GBP6: variants seen among roughly 807,000 people sequenced by gnomAD.
GBP6 encodes the protein guanylate binding protein family member 6.
GBP6 carries 54 observed loss-of-function variants against 61.5 expected under a neutral mutation model. The observed-to-expected ratio is 0.88, with a 90% CI of 0.71 to 1.10. GBP6 has a LOEUF of 1.10. GBP6 is among the 50% of genes least tolerant of loss of function. The pLI is 0.00. For missense variants in GBP6, 748 were observed against 752.8 expected (o/e 0.99, Z 0.07); for synonymous variants, 255 against 273.7 (o/e 0.93, Z 0.67).
At chr1:89,383,820 C>G in intron 9 of GBP6, 66 bp downstream of exon 9, 1 of 1,216,416 alleles carries the variant, frequency 8.2e-7, no homozygotes, top group Non-Finnish European at 1.2e-6. Flanking sequence ...ACAGATCTAA[C>G]AGGAAAACCT....
intron 7 of GBP6, 50 bp from the exon 8 acceptor site, chr1:89,382,614 C>T: frequency 6.8e-7 from 1 of 1,466,518 alleles, no homozygotes; most frequent in Non-Finnish European, 9.5e-7. Context: ...TTTAGAATTT[C>T]ATCTCCTCCA....
Position 89,378,205 on chromosome 1 carries a change from C to A in GBP6, c.421C>A (p.Gln141Lys). ...MSTINHQALE[Q>K]LHYVTELTEL... The stretch of plus-strand genomic sequence containing the variant: ...CACCATCAACCACCAGGCCCTGGAG[C>A]AGCTGCAGTATCCTTCCAGGAACAG... Residue 141 changes from glutamine to lysine, a missense_variant, in exon 4 of 11, where the codon CAG becomes AAG. Transcript: ENST00000370456. 1 of 1,609,892 alleles carries A rather than the reference C, an allele frequency of 6.2e-7. No homozygotes were observed. Among genetic ancestry groups the A allele is most frequent in the East Asian group, 2.2e-5 (1 of 44,872 alleles).
chr1:89,368,037 T>G (rs115265133), intron 1 of GBP6, among the ~76,000 whole-genome samples: 1 of 152,206 alleles, frequency 6.6e-6, no homozygotes, highest in Non-Finnish European at 1.5e-5. Context: ...GCCATTTTTT[T>G]AAAGTTGTTT....
chr1:89,377,966 T>C, intron 3 of GBP6, 137 bp from the exon 4 acceptor site: 2 of 745,810 alleles, frequency 2.7e-6, no homozygotes, highest in South Asian at 3.6e-5. Context: ...AACAAACTGT[T>C]GTTTACATTC....
chr1:89,382,618 T>G, intron 7 of GBP6, 46 bp from the exon 8 acceptor site: 1 of 1,483,362 alleles, frequency 6.7e-7, no homozygotes, highest in Non-Finnish European at 9.4e-7. Flanking sequence ...GAATTTCATC[T>G]CCTCCATGTT....
intron 3 of GBP6, among the ~76,000 whole-genome samples, chr1:89,375,785 T>C: frequency 6.6e-6 from 1 of 152,206 alleles, no homozygotes; most frequent in East Asian, 1.9e-4. Flanking sequence ...TAATTTTGCT[T>C]TTGTCACCTG....
At chr1:89,374,586 T>C (rs967566129) in intron 3 of GBP6, among the ~76,000 whole-genome samples, 1 of 152,184 alleles carries the variant, frequency 6.6e-6, no homozygotes, top group African/African-American at 2.4e-5. Flanking sequence ...TTGCCGACAA[T>C]TGTTATTTTT....
chr1:89,386,989 A>G lies in GBP6; in HGVS notation c.*1520A>G, dbSNP rs1371584406. On this transcript the variant is annotated 3_prime_UTR_variant, in exon 11 of 11. Coordinates refer to ENST00000370456, the MANE Select transcript of GBP6 (RefSeq NM_198460.3). ...TACAATGGACCAGCCATAGGGTTAA[A>G]TGGGATGGGGAGAAAACAATCAAGT... 6.6e-6 allele frequency among the ~76,000 whole-genome samples: 1 copy of G among 152,214 alleles called. No individual in the cohort carries two copies. The highest frequency in any genetic ancestry group is 1.5e-5 in the Non-Finnish European group (1 of 68,026).
At chr1:89,378,637 TG>T in intron 5 of GBP6, 24 bp downstream of exon 5, 1 of 1,582,584 alleles carries the variant, frequency 6.3e-7, no homozygotes, top group Non-Finnish European at 8.6e-7. Flanking sequence ...GCCTGGGCTG[TG>T]GGTGGTCCAC....
chr1:89,380,287 G>A (rs901730327), intron 5 of GBP6, 99 bp from the exon 6 acceptor site: 2 of 1,013,100 alleles, frequency 2.0e-6, no homozygotes, highest in African/African-American at 3.2e-5. Context: ...TGTAAGCATA[G>A]AAGATGGCAA....
chr1:89,386,721 CATTAAG>C lies in GBP6; in HGVS notation c.*1259_*1264del, dbSNP rs1042185616. ...GGTGTTAGAAGCATAAATTACCAAA[CATTAAG>C]ATTAAGCACTGATAGGAAGGATCCT... is the stretch of plus-strand genomic sequence containing the variant. On this transcript the variant is annotated 3_prime_UTR_variant, in exon 11 of 11. Transcript: ENST00000370456. 2.0e-5 allele frequency among the ~76,000 whole-genome samples: 3 copies of C among 152,276 alleles called. No individual in the cohort carries two copies. Among genetic ancestry groups the C allele is most frequent in the African/African-American group, 7.2e-5 (3 of 41,548 alleles).
rs1191062304 is a variant in GBP6, at chr1:89,381,855, C to T, written c.1033C>T (p.Pro345Ser). ...SQQMAQRVKL[P>S]TDTLQELLDM... is the part of the protein sequence containing the mutation. The stretch of plus-strand genomic sequence containing the variant: ...GCAGATGGCCCAGCGAGTGAAGCTC[C>T]CCACAGACACGCTCCAGGAGCTGCT... The change falls in exon 7 of 11, where the codon CCC becomes TCC. Residue 345 changes from proline to serine, a missense_variant. Coordinates refer to ENST00000370456, the MANE Select transcript of GBP6 (RefSeq NM_198460.3). The T allele has an allele frequency of 6.2e-7, 1 of 1,614,080 alleles. No individual in the cohort carries two copies. The highest frequency in any genetic ancestry group is 8.5e-7 in the Non-Finnish European group (1 of 1,179,996).
intron 1 of GBP6, among the ~76,000 whole-genome samples, chr1:89,366,261 T>C (rs936323442): frequency 1.3e-5 from 2 of 152,238 alleles, no homozygotes; most frequent in Admixed American, 1.3e-4. Context: ...TTGTTATTCT[T>C]ATTCTTTTTC....
In GBP6 at chr1:89,384,962, C is replaced by A. The variant is rs180898799; in HGVS notation, c.1663-268C>A. Among the ~76,000 whole-genome samples, 39 of 152,322 alleles carry A rather than the reference C, an allele frequency of 2.6e-4. 2 individuals carry two copies. The East Asian group carries it at 3.5e-3, about 14-fold the overall frequency. ...TTTATGCAATCAGACCAATGGCTAC[C>A]TCCTAACTGGCATCTTTTGGGCAGG... On this transcript the variant is annotated intron_variant, in intron 10 of 10. Transcript: ENST00000370456.
At position 89,384,053 on chromosome 1, in the gene GBP6, C is replaced by T. The variant is rs377163088; in HGVS notation, c.1469-40C>T. ...TCAGAAAAGTGGAGATGAATCTTCA[C>T]CTATTATTTTCTTCTCTTTCTAATA... On this transcript the variant is annotated intron_variant, in intron 9 of 10. Transcript: ENST00000370456. 539 of 1,528,818 alleles carry T rather than the reference C, an allele frequency of 3.5e-4. No individual in the cohort carries two copies. In the Middle Eastern group the frequency reaches 9.4e-3, roughly 27 times the overall value. The allele number at this position is 1,528,818 out of a possible 1,614,324, so 94.7% of individuals were successfully genotyped here.
Position 89,378,318 on chromosome 1 carries a change from C to T in GBP6, c.429-99C>T, listed in dbSNP as rs992679755. The T allele has an allele frequency of 7.9e-6, 12 of 1,518,618 alleles. No individual in the cohort carries two copies. The South Asian group carries it at 1.4e-4, about 18-fold the overall frequency. The allele number at this position is 1,518,618 out of a possible 1,614,324, so 94.1% of individuals were successfully genotyped here. Reference sequence around the variant, plus strand: ...TTTGATGTAATTACCTGTGGTGCAGCACAGGGAACCCAAGACAAAAGAGAG... The same window carrying T: ...TTTGATGTAATTACCTGTGGTGCAGTACAGGGAACCCAAGACAAAAGAGAG... On this transcript the variant is annotated intron_variant, in intron 4 of 10. Transcript: ENST00000370456.
Position 89,368,651 on chromosome 1 carries a change from ATT to A in GBP6, c.102_103del (p.Gln36AlafsTer38). On this transcript the variant is annotated frameshift_variant, in exon 2 of 11. Coordinates refer to ENST00000370456, the MANE Select transcript of GBP6 (RefSeq NM_198460.3). LOFTEE classifies it high-confidence loss of function. Reference protein sequence around the residue: ...NQQAIQILEKISQPVVVVAIV... With the variant: ...NQQAIQILEKXSQPVVVVAIV... ...GCAAGCTATACAGATTCTTGAAAAGATTTCTCAGCCAGTGGTGGTGGTGGCCA... is the reference window on the plus strand; with the variant it reads ...GCAAGCTATACAGATTCTTGAAAAGATCTCAGCCAGTGGTGGTGGTGGCCA... 1.9e-6 allele frequency: 3 copies of A among 1,614,182 alleles called. No individual in the cohort carries two copies. Among genetic ancestry groups the A allele is most frequent in the Non-Finnish European group, 2.5e-6 (3 of 1,180,006 alleles).
In GBP6 at chr1:89,378,579, T is replaced by C. The variant is rs113267760; in HGVS notation, c.591T>C (p.Asp197=). 6 of 1,613,722 alleles carry C rather than the reference T, an allele frequency of 3.7e-6. No homozygotes were observed. The highest frequency in any genetic ancestry group is 1.7e-5 in the Admixed American group (1 of 59,968). The change falls in exon 5 of 11, where the codon GAT becomes GAC. Residue 197 remains aspartate (D), a synonymous_variant. Coordinates refer to ENST00000370456, the MANE Select transcript of GBP6 (RefSeq NM_198460.3). The part of the protein sequence containing the change: ...LKLNGHPITE[D]EYLENALKLI... Reference sequence around the variant, plus strand: ...TGAACGGTCACCCTATCACAGAAGATGAATACCTGGAGAATGCCTTGAAGC... The same window carrying C: ...TGAACGGTCACCCTATCACAGAAGACGAATACCTGGAGAATGCCTTGAAGC...
chr1:89,370,498 A>C (rs1652598358), intron 3 of GBP6, among the ~76,000 whole-genome samples: 1 of 152,226 alleles, frequency 6.6e-6, no homozygotes, highest in South Asian at 2.1e-4. Context: ...CCTACAATAA[A>C]CATTATAAGA....
Sources: gnomAD v4.1 joint callset for allele counts (sites outside exome capture counted in the v4.1 genomes callset) on GRCh38, gnomAD v4.1.1 for gene constraint, MANE v1.5 for transcripts, NCBI Gene and HGNC (gene_info 2026-07-23, HGNC 2026-07-21) for gene names.